Variants in HDLBP observed in about 807,000 individuals in gnomAD.
HDLBP encodes high density lipoprotein binding protein.
HDLBP carries 30 observed loss-of-function variants against 137.3 expected under a neutral mutation model. That is an observed-to-expected ratio of 0.22 (90% CI 0.16 to 0.30). HDLBP has a LOEUF of 0.30. Among genes scored for constraint, HDLBP ranks in the 10% least tolerant of loss-of-function variants. HDLBP has a pLI of 1.00. For synonymous variants in HDLBP, 606 were observed against 596.0 expected, an observed-to-expected ratio of 1.02 and a Z score of -0.24; for missense variants, 1,119 against 1,667.3, an observed-to-expected ratio of 0.67 and a Z score of 5.73.
intron 1 of HDLBP, chr2:241,273,114 G>C: frequency 2.0e-6 from 2 of 985,494 alleles, no homozygotes; most frequent in Non-Finnish European, 2.4e-6. Context: ...CAGGAAGGAC[G>C]GCTGCTCTGG....
intron 9 of HDLBP, 79 bp downstream of exon 9, chr2:241,254,972 G>A: frequency 1.8e-6 from 2 of 1,134,106 alleles, no homozygotes; most frequent in South Asian, 1.2e-5. Flanking sequence ...ACAGTACAAA[G>A]GTCAACAAAG....
chr2:241,285,280 T>C (rs1201446896), intron 1 of HDLBP, among the ~76,000 whole-genome samples: 2 of 152,378 alleles, frequency 1.3e-5, no homozygotes, highest in East Asian at 1.9e-4. Flanking sequence ...ATGTGCTTTA[T>C]TGGGATGTCA....
chr2:241,249,376 A>T (rs1191645458), intron 12 of HDLBP: 2 of 472,080 alleles, frequency 4.2e-6, no homozygotes, highest in African/African-American at 4.0e-5. Flanking sequence ...GGGTGCTCAC[A>T]GCTTGGCATA....
chr2:241,262,106 C>T (rs989650033), intron 5 of HDLBP, among the ~76,000 whole-genome samples: 14 of 152,238 alleles, frequency 9.2e-5, no homozygotes, highest in Admixed American at 7.8e-4. Context: ...AGTCCAAGTA[C>T]TGGCATCAGA....
intron 1 of HDLBP, among the ~76,000 whole-genome samples, chr2:241,294,014 ACTCT>A (rs1244259017): frequency 6.6e-6 from 1 of 152,134 alleles, no homozygotes; most frequent in African/African-American, 2.4e-5. Context: ...AGAGCAATTA[ACTCT>A]CTCTAGCCTG....
intron 1 of HDLBP, among the ~76,000 whole-genome samples, chr2:241,312,726 T>TA (rs1283547059): frequency 5.3e-5 from 8 of 152,192 alleles, no homozygotes; most frequent in African/African-American, 1.7e-4. Flanking sequence ...CCATACCAAA[T>TA]AAAAATATCA....
intron 4 of HDLBP, 100 bp downstream of exon 4, chr2:241,264,348 C>T (rs1238848707): frequency 1.7e-5 from 14 of 801,720 alleles, no homozygotes; most frequent in South Asian, 3.7e-5. Flanking sequence ...GGCGACAGAG[C>T]GGGACTCTGT....
chr2:241,252,331 G>A (rs974839417), intron 11 of HDLBP, among the ~76,000 whole-genome samples: 64 of 152,248 alleles, frequency 4.2e-4, no homozygotes, highest in Middle Eastern at 3.4e-3. Context: ...GTGAAACCCC[G>A]TCTCTTCTAA....
At position 241,246,881 on chromosome 2, in the gene HDLBP, A is replaced by T. The variant is rs774528480; in HGVS notation, c.1821T>A (p.Ile607=). The T allele has an allele frequency of 5.6e-6, 9 of 1,614,172 alleles. No homozygotes were observed. Among genetic ancestry groups the T allele is most frequent in the Non-Finnish European group, 7.6e-6 (9 of 1,180,008 alleles). The part of the protein sequence containing the change: ...IGKGGANIKK[I]REESNTKIDL... ...CGATTTTGGTGTTGCTTTCTTCACG[A>T]ATCTACAGGGAGAGAGATCACCATG... is the stretch of plus-strand genomic sequence containing the variant. The change falls in exon 16 of 28, where the codon ATT becomes ATA. Residue 607 remains isoleucine (I), a splice_region_variant and synonymous_variant. Coordinates refer to ENST00000310931, the MANE Select transcript of HDLBP (RefSeq NM_005336.6).
chr2:241,255,130 G>A lies in HDLBP; in HGVS notation c.1109C>T (p.Ala370Val). The change falls in exon 9 of 28, where the codon GCC becomes GTC. Residue 370 changes from alanine to valine, a missense_variant. By Grantham distance (64) the Ala-to-Val change is moderately conservative. Coordinates refer to ENST00000310931, the MANE Select transcript of HDLBP (RefSeq NM_005336.6). ...KANSFTVSSVAAPSWLHRFII... is the reference protein window; with the variant it reads ...KANSFTVSSVVAPSWLHRFII... ...GAAACGGTGAAGCCAGGAAGGGGCGGCGACAGAGGAGACGGTGAAGCTATT... is the reference window on the plus strand; with the variant it reads ...GAAACGGTGAAGCCAGGAAGGGGCGACGACAGAGGAGACGGTGAAGCTATT... The A allele has an allele frequency of 2.5e-6, 4 of 1,614,176 alleles. No individual in the cohort carries two copies. Among genetic ancestry groups the A allele is most frequent in the Non-Finnish European group, 2.5e-6 (3 of 1,180,010 alleles).
intron 5 of HDLBP, among the ~76,000 whole-genome samples, chr2:241,259,820 A>C (rs2073013701): frequency 6.6e-6 from 1 of 152,006 alleles, no homozygotes; most frequent in African/African-American, 2.4e-5. Flanking sequence ...CTTCTGAAAA[A>C]GCCTAGAAGC....
At chr2:241,296,482 ATTGAT>A (rs1350649754) in intron 1 of HDLBP, among the ~76,000 whole-genome samples, 1 of 152,228 alleles carries the variant, frequency 6.6e-6, no homozygotes, top group South Asian at 2.1e-4. Context: ...TGAGGAAGAT[ATTGAT>A]TTATTTGACC....
rs1574838888 is a variant in HDLBP, at chr2:241,233,043, G to A, written c.3288+777C>T. On this transcript the variant is annotated intron_variant, in intron 24 of 27. Coordinates refer to ENST00000310931, the MANE Select transcript of HDLBP (RefSeq NM_005336.6). The surrounding 1 kb of genome is among the most constrained non-coding windows in gnomAD (Gnocchi z 4.3). ...CCTGGGCGGCACATCCACAGTGGGA[G>A]CGAGGGGCGTGGAGGGGCTCTGCTG... Among the ~76,000 whole-genome samples the A allele has an allele frequency of 6.6e-6, 1 of 152,238 alleles. No homozygotes were observed. Among genetic ancestry groups the A allele is most frequent in the African/African-American group, 2.4e-5 (1 of 41,546 alleles).
rs1035919045 is a variant in HDLBP, at chr2:241,258,942, C to G, written c.451-2136G>C. On this transcript the variant is annotated intron_variant, in intron 5 of 27. Transcript: ENST00000310931. Reference sequence around the variant, plus strand: ...ATGGCCCGATTCCACATGCAGCCACCCTCTGACCCAGCCATCTCACTTCTA... The same window carrying G: ...ATGGCCCGATTCCACATGCAGCCACGCTCTGACCCAGCCATCTCACTTCTA... Among the ~76,000 whole-genome samples, 3 of 152,148 alleles carry G rather than the reference C, an allele frequency of 2.0e-5. No homozygotes were observed. The East Asian group carries it at 5.8e-4, about 29-fold the overall frequency.
At chr2:241,247,234 C>T (rs2071752522) in intron 14 of HDLBP, 92 bp from the exon 15 acceptor site, 2 of 785,698 alleles carry the variant, frequency 2.5e-6, no homozygotes, top group African/African-American at 1.7e-5. Flanking sequence ...ATGAACACGA[C>T]AGAGCACTGG....
chr2:241,230,776 T>G lies in HDLBP; in HGVS notation c.3457A>C (p.Ile1153Leu). ...CGGCTCACCTTGAATTCGTCCATGATTTTGCGAATGGCTTTGCCGCGGGCA... is the reference window on the plus strand; with the variant it reads ...CGGCTCACCTTGAATTCGTCCATGAGTTTGCGAATGGCTTTGCCGCGGGCA... ...IGARGKAIRK[I>L]MDEFKVDIRF... The change falls in exon 25 of 28, where the codon ATC becomes CTC. Residue 1153 changes from isoleucine (I) to leucine (L), a missense_variant. By Grantham distance (5) the Ile-to-Leu change is conservative. Transcript: ENST00000310931. The surrounding 1 kb of genome is among the most constrained non-coding windows in gnomAD (Gnocchi z 5.0). 1.2e-6 allele frequency: 2 copies of G among 1,614,152 alleles called. No homozygotes were observed. The highest frequency in any genetic ancestry group is 8.5e-7 in the Non-Finnish European group (1 of 1,179,972).
chr2:241,314,447 A>T (rs191624033), intron 1 of HDLBP, among the ~76,000 whole-genome samples: 28 of 152,354 alleles, frequency 1.8e-4, no homozygotes, highest in Admixed American at 1.7e-3. Context: ...CCTTAAGCAG[A>T]CACCAAATAA....
chr2:241,307,377 G>A lies in HDLBP; in HGVS notation c.-103+8193C>T, dbSNP rs1220260777. Among the ~76,000 whole-genome samples, 5 of 152,192 alleles carry A rather than the reference G, an allele frequency of 3.3e-5. No individual in the cohort carries two copies. The East Asian group carries it at 5.8e-4, about 18-fold the overall frequency. ...TCTTCCTGCCCCAGGAGAGACCTGC[G>A]GTCATAGCACTGGGGTCTCTGGGAT... On this transcript the variant is annotated intron_variant, in intron 1 of 27. Coordinates refer to ENST00000310931, the MANE Select transcript of HDLBP (RefSeq NM_005336.6).
intron 1 of HDLBP, among the ~76,000 whole-genome samples, chr2:241,271,413 C>A (rs963229303): frequency 2.0e-5 from 3 of 152,202 alleles, no homozygotes; most frequent in Admixed American, 6.5e-5. Flanking sequence ...CGCCCTAATA[C>A]GTGTAGAGCA....
Sources: allele counts gnomAD v4.1 joint callset (sites outside exome capture counted in the v4.1 genomes callset), GRCh38; gene constraint gnomAD v4.1.1; non-coding constraint Gnocchi (gnomAD v3.1); transcripts MANE v1.5; gene names NCBI Gene and HGNC (gene_info 2026-07-23, HGNC 2026-07-21).